KCNK16: variants seen among roughly 807,000 people sequenced by gnomAD.
The protein encoded by KCNK16 is potassium channel subfamily K member 16.
A neutral mutation model predicts 23.0 loss-of-function variants in KCNK16; 23 were observed. The ratio of observed to expected loss-of-function variants is 1.00; its 90% CI spans 0.72 to 1.41. KCNK16 has a LOEUF of 1.41. Ranked by LOEUF, KCNK16 falls within the 40% of genes most tolerant of loss-of-function variation. The pLI is 0.00. For missense variants in KCNK16, 327 were observed against 365.8 expected (o/e 0.89, Z 0.87); for synonymous variants, 145 against 153.5 (o/e 0.94, Z 0.41).
downstream of KCNK16, chr6:39,314,595 G>A (rs34247110): frequency 0.54 from 235,741 of 435,672 alleles, 68,078 homozygotes; most frequent in African/African-American, 0.89. Context: ...GGAGAAGGAG[G>A]AAGCTGCTGG....
intron 3 of KCNK16, 93 bp downstream of exon 3, chr6:39,317,693 G>T (rs1762370431): frequency 1.5e-6 from 2 of 1,359,032 alleles, no homozygotes; most frequent in East Asian, 5.2e-5. Context: ...CTAACACCAT[G>T]CATGCCAAAC....
chr6:39,319,245 T>C lies in KCNK16; in HGVS notation c.214-112A>G. The C allele has an allele frequency of 1.5e-6, 1 of 686,492 alleles. No individual in the cohort carries two copies. The highest frequency in any genetic ancestry group is 1.8e-5 in the African/African-American group (1 of 56,792). The allele number at this position is 686,492 out of a possible 1,614,324, so 42.5% of individuals were successfully genotyped here. A position where few individuals can be genotyped will look rare whatever the true frequency, so the allele number is the denominator to read the frequency against. ...TGTGTCATCTCATCTAATGATACTC[T>C]TAGATGATATTGTTCCCATTTCATG... On this transcript the variant is annotated intron_variant, in intron 1 of 4. Coordinates refer to ENST00000437525, the MANE Select transcript of KCNK16 (RefSeq NM_001135106.2). This position sits in a 1 kb window ranked among gnomAD's most constrained non-coding sequence, Gnocchi z 4.2.
At chr6:39,315,389 G>T, downstream of KCNK16, 1 of 1,551,448 alleles carries the variant, frequency 6.4e-7, no homozygotes, top group Non-Finnish European at 8.7e-7. Flanking sequence ...AGGCTCTTGA[G>T]AAGGCAGGAG....
In KCNK16 at chr6:39,316,833, A is replaced by G. The variant is rs138247562; in HGVS notation, c.610T>C (p.Tyr204His). The change falls in exon 4 of 5, where the codon TAC becomes CAC. Residue 204 changes from tyrosine (Y) to histidine (H), a missense_variant. By Grantham distance (83) the Tyr-to-His change is moderately conservative (BLOSUM62 2). Transcript: ENST00000437525. ...VEGWSFSEGFYFAFITLSTIG... is the reference protein window; with the variant it reads ...VEGWSFSEGFHFAFITLSTIG... ...GTGCTGAGAGTGATGAAAGCAAAGTAGAAGCCCTCGCTGAAGCTCCAGCCC... is the reference window on the plus strand; with the variant it reads ...GTGCTGAGAGTGATGAAAGCAAAGTGGAAGCCCTCGCTGAAGCTCCAGCCC... The G allele has an allele frequency of 1.7e-5, 28 of 1,614,166 alleles. No homozygotes were observed. In the Admixed American group the frequency reaches 4.5e-4, roughly 26 times the overall value.
rs1305232711 is a variant in KCNK16, at chr6:39,319,302, G to A, written c.214-169C>T. 6.6e-6 allele frequency among the ~76,000 whole-genome samples: 1 copy of A among 152,220 alleles called. No individual in the cohort carries two copies. The highest frequency in any genetic ancestry group is 1.5e-5 in the Non-Finnish European group (1 of 68,046). On this transcript the variant is annotated intron_variant, in intron 1 of 4. Coordinates refer to ENST00000437525, the MANE Select transcript of KCNK16 (RefSeq NM_001135106.2). The surrounding 1 kb of genome is among the most constrained non-coding windows in gnomAD (Gnocchi z 4.2). Reference sequence around the variant, plus strand: ...GGAAATGAAGACTCAGAGTGGCTAAGTGACCTGTGCAAGGTGACTGGACTC... The same window carrying A: ...GGAAATGAAGACTCAGAGTGGCTAAATGACCTGTGCAAGGTGACTGGACTC...
chr6:39,318,868 C>T lies in KCNK16; in HGVS notation c.328+151G>A, dbSNP rs984684130. On this transcript the variant is annotated intron_variant, in intron 2 of 4. Coordinates refer to ENST00000437525, the MANE Select transcript of KCNK16 (RefSeq NM_001135106.2). The stretch of plus-strand genomic sequence containing the variant: ...TAATTAATGCAAATTTCATTGCCAC[C>T]TTCTCCCTACTGTTTCACTTACCCA... 15 of 608,640 alleles carry T rather than the reference C, an allele frequency of 2.5e-5. No individual in the cohort carries two copies. The Admixed American group carries it at 2.8e-4, about 11-fold the overall frequency. 37.7% of individuals were successfully genotyped at this position (608,640 alleles called of 1,614,324 possible).
In KCNK16 at chr6:39,316,413, C is replaced by T. The variant is rs778638759; in HGVS notation, c.691G>A (p.Val231Met). 2 of 1,611,704 alleles carry T rather than the reference C, an allele frequency of 1.2e-6. No individual in the cohort carries two copies. Among genetic ancestry groups the T allele is most frequent in the Non-Finnish European group, 1.7e-6 (2 of 1,178,738 alleles). The part of the protein sequence containing the change: ...GTDPSKHYIS[V>M]YRSLAAIWIL... ...CAGATGGCTGCCAGGCTCCGATACA[C>T]TGAGATATAATGCTTGCTGGGGTCT... The change falls in exon 5 of 5, where the codon GTG (valine) becomes ATG (methionine). Residue 231 changes from valine to methionine, a missense_variant. Physicochemically the swap from Val to Met is conservative, Grantham distance 21. Coordinates refer to ENST00000437525, the MANE Select transcript of KCNK16 (RefSeq NM_001135106.2).
intron 2 of KCNK16, among the ~76,000 whole-genome samples, chr6:39,318,493 G>A (rs181627127): frequency 2.0e-5 from 3 of 152,262 alleles, no homozygotes; most frequent in Admixed American, 2.0e-4. Context: ...GGCCGAGGGG[G>A]TGTAGCAGCT....
rs1762319528 is a variant in KCNK16 at position 39,316,421 on chromosome 6, TA to T, written c.682del (p.Tyr228IlefsTer22). 1 of 1,608,068 alleles carries T rather than the reference TA, an allele frequency of 6.2e-7. No individual in the cohort carries two copies. On this transcript the variant is annotated frameshift_variant, in exon 5 of 5. Coordinates refer to ENST00000437525, the MANE Select transcript of KCNK16 (RefSeq NM_001135106.2). LOFTEE classifies it high-confidence loss of function. Reference protein sequence around the residue: ...YVVGTDPSKHYISVYRSLAAI... With the variant: ...YVVGTDPSKHXISVYRSLAAI... Reference sequence around the variant, plus strand: ...TGCCAGGCTCCGATACACTGAGATATAATGCTTGCTGGGGTCTGTGCCTGCC... The same window carrying T: ...TGCCAGGCTCCGATACACTGAGATATATGCTTGCTGGGGTCTGTGCCTGCC...
chr6:39,318,143 C>G (rs2113852198), intron 2 of KCNK16, among the ~76,000 whole-genome samples, 191 bp from the exon 3 acceptor site: 1 of 152,346 alleles, frequency 6.6e-6, no homozygotes, highest in Non-Finnish European at 1.5e-5. Context: ...AGGCCCATCT[C>G]AAATGACTCT....
In KCNK16 at chr6:39,319,961, G is replaced by A. The variant is rs11755884; in HGVS notation, c.214-828C>T. On this transcript the variant is annotated intron_variant, in intron 1 of 4. Transcript: ENST00000437525. This position sits in a 1 kb window ranked among gnomAD's most constrained non-coding sequence, Gnocchi z 4.2. ...CAACCTCCAGTCCCTGGGCCCAGCC[G>A]CCTTGGAGAATAGGCAGGGCTCTCT... 0.025 allele frequency among the ~76,000 whole-genome samples: 3,840 copies of A among 152,184 alleles called. 68 individuals carry two copies. The highest frequency in any genetic ancestry group is 0.028 in the Non-Finnish European group (1,881 of 68,000).
downstream of KCNK16, chr6:39,316,169 G>C (rs567206044): frequency 1.1e-5 from 16 of 1,465,334 alleles, no homozygotes; most frequent in Admixed American, 2.6e-5. Context: ...AGAGCAGATA[G>C]GGTGGGACTG....
chr6:39,320,130 G>A (rs1269808004), intron 1 of KCNK16, among the ~76,000 whole-genome samples: 3 of 152,180 alleles, frequency 2.0e-5, no homozygotes, highest in African/African-American at 7.2e-5. Context: ...ACCAGTTCCC[G>A]CTGGCTGGGT....
rs1762430934 is a variant in KCNK16, at chr6:39,319,248, G to A, written c.214-115C>T. ...GTCATCTCATCTAATGATACTCTTA[G>A]ATGATATTGTTCCCATTTCATGGAA... is the stretch of plus-strand genomic sequence containing the variant. On this transcript the variant is annotated intron_variant, in intron 1 of 4. Coordinates refer to ENST00000437525, the MANE Select transcript of KCNK16 (RefSeq NM_001135106.2). The surrounding 1 kb of genome is among the most constrained non-coding windows in gnomAD (Gnocchi z 4.2). 1.5e-6 allele frequency: 1 copy of A among 684,500 alleles called. No homozygotes were observed. Among genetic ancestry groups the A allele is most frequent in the Non-Finnish European group, 2.7e-6 (1 of 376,390 alleles). The allele number at this position is 684,500 out of a possible 1,614,324, so 42.4% of individuals were successfully genotyped here.
rs1359347099 is a variant in KCNK16 at position 39,317,662 on chromosome 6, C to T, written c.495+124G>A. 2.7e-6 allele frequency: 3 copies of T among 1,106,712 alleles called. No individual in the cohort carries two copies. The African/African-American group carries it at 4.8e-5, about 18-fold the overall frequency. 68.6% of individuals were successfully genotyped at this position (1,106,712 alleles called of 1,614,324 possible). A position where few individuals can be genotyped will look rare whatever the true frequency, so the allele number is the denominator to read the frequency against. On this transcript the variant is annotated intron_variant, in intron 3 of 4. Coordinates refer to ENST00000437525, the MANE Select transcript of KCNK16 (RefSeq NM_001135106.2). ...CTGCCCAACCCTGCCTTCACCCTTC[C>T]TCTTTCACAGGCATCTACCCCTAAC...
intron 1 of KCNK16, among the ~76,000 whole-genome samples, chr6:39,320,440 G>A (rs983686514): frequency 2.6e-5 from 4 of 152,168 alleles, no homozygotes; most frequent in Non-Finnish European, 4.4e-5. Flanking sequence ...GGATGCAGGT[G>A]GCCATGGGTT....
chr6:39,316,205 C>G lies in KCNK16; in HGVS notation c.*14G>C, dbSNP rs369729931. On this transcript the variant is annotated 3_prime_UTR_variant, in exon 5 of 5. Transcript: ENST00000437525. ...GGGAGGATGAAAGGGGTTTCTGGGCCCCCCCCGGGGGCCTCATGCAGAGAT... is the reference window on the plus strand; with the variant it reads ...GGGAGGATGAAAGGGGTTTCTGGGCGCCCCCCGGGGGCCTCATGCAGAGAT... The G allele has an allele frequency of 1.0e-5, 15 of 1,502,460 alleles. No homozygotes were observed. The African/African-American group carries it at 1.1e-4, about 11-fold the overall frequency. The allele number at this position is 1,502,460 out of a possible 1,614,324, so 93.1% of individuals were successfully genotyped here.
downstream of KCNK16, chr6:39,315,041 G>C: frequency 6.2e-7 from 1 of 1,613,378 alleles, no homozygotes; most frequent in Non-Finnish European, 8.5e-7. Context: ...GGAAGTCCTG[G>C]GGTGTGACTT....
chr6:39,314,965 A>T, downstream of KCNK16: 1 of 1,530,588 alleles, frequency 6.5e-7, no homozygotes, highest in South Asian at 1.3e-5. Flanking sequence ...CCTGGAGTGG[A>T]GGAAGCGTCT....
Sources: allele counts gnomAD v4.1 joint callset (sites outside exome capture counted in the v4.1 genomes callset), GRCh38; gene constraint gnomAD v4.1.1; non-coding constraint Gnocchi (gnomAD v3.1); transcripts MANE v1.5; gene names NCBI Gene and HGNC (gene_info 2026-07-23, HGNC 2026-07-21).